TRPM6: variants seen among roughly 807,000 people sequenced by gnomAD.
The protein encoded by TRPM6 is channel kinase 2.
A neutral mutation model predicts 247.6 loss-of-function variants in TRPM6; 111 were observed. That is an observed-to-expected ratio of 0.45 (90% CI 0.38 to 0.52). The LOEUF (loss-of-function observed/expected upper bound fraction) is 0.52. TRPM6 is among the 20% of genes least tolerant of loss of function. The pLI, the probability that TRPM6 is intolerant of heterozygous loss-of-function variation, is 0.00. For missense variants in TRPM6, 2,126 were observed against 2,421.5 expected (o/e 0.88, Z 2.56); for synonymous variants, 892 against 853.8 (o/e 1.04, Z -0.78).
intron 25 of TRPM6, among the ~76,000 whole-genome samples, chr9:74,769,778 A>C (rs1350517459): frequency 9.2e-6 from 1 of 108,926 alleles, no homozygotes; most frequent in African/African-American, 4.6e-5. Context: ...GAAGGAAGGA[A>C]GGAAGGACGG....
intron 16 of TRPM6, among the ~76,000 whole-genome samples, chr9:74,801,243 ATTTTTTTTTTTTTTTT>A (rs59490187): frequency 2.3e-5 from 2 of 85,254 alleles, no homozygotes; most frequent in Admixed American, 1.9e-4. Flanking sequence ...AAGCCTGGGA[ATTTTTTTTTTTTTTTT>A]TTTTTTTTTT....
In TRPM6 at chr9:74,842,291, T is replaced by A; in HGVS notation, c.205A>T (p.Thr69Ser). 1 of 1,614,084 alleles carries A rather than the reference T, an allele frequency of 6.2e-7. No individual in the cohort carries two copies. The highest frequency in any genetic ancestry group is 8.5e-7 in the Non-Finnish European group (1 of 1,180,028). The stretch of plus-strand genomic sequence containing the variant: ...TCTTTACCCTTGGCAGCTGAGATGG[T>A]CCAGGAATAATCTATCCCAGCATGG... ...GDHAGIDYSW[T>S]ISAAKGKESE... Residue 69 changes from threonine to serine, a missense_variant, in exon 4 of 39, where the codon ACC becomes TCC. By Grantham distance (58) the Thr-to-Ser change is moderately conservative. Around this residue, in one of 3 missense-constraint regions of TRPM6, gnomAD observed 1,082 missense variants for 1,307.9 expected, o/e 0.83. Coordinates refer to ENST00000360774, the MANE Select transcript of TRPM6 (RefSeq NM_017662.5).
chr9:74,827,926 C>A lies in TRPM6; in HGVS notation c.693G>T (p.Leu231=), dbSNP rs1057148075. The part of the protein sequence containing the change: ...GKDVVCLYQT[L]DNPLSKLTTL... Reference sequence around the variant, plus strand: ...TTGTGAGCTTGCTGAGGGGGTTATCCAGAGTCTGGTACAGGCACACCACCT... The same window carrying A: ...TTGTGAGCTTGCTGAGGGGGTTATCAAGAGTCTGGTACAGGCACACCACCT... The change falls in exon 7 of 39, where the codon CTG becomes CTT. Residue 231 remains leucine, a synonymous_variant. Coordinates refer to ENST00000360774, the MANE Select transcript of TRPM6 (RefSeq NM_017662.5). 2 of 1,614,028 alleles carry A rather than the reference C, an allele frequency of 1.2e-6. No homozygotes were observed. Among genetic ancestry groups the A allele is most frequent in the Admixed American group, 1.7e-5 (1 of 59,994 alleles).
In TRPM6 at chr9:74,762,426, A is replaced by G. The variant is rs1412687554; in HGVS notation, c.4245T>C (p.Asp1415=). Residue 1415 remains aspartate (D), a synonymous_variant, in exon 26 of 39, where the codon GAT becomes GAC. Coordinates refer to ENST00000360774, the MANE Select transcript of TRPM6 (RefSeq NM_017662.5). ...EKHEPIAHLL[D]GQDKAEQVLP... ...GCACTTGCTCTGCCTTGTCTTGTCC[A>G]TCCAGTAAGTGAGCAATAGGCTCGT... 3 of 1,614,182 alleles carry G rather than the reference A, an allele frequency of 1.9e-6. No individual in the cohort carries two copies. Among genetic ancestry groups the G allele is most frequent in the Non-Finnish European group, 2.5e-6 (3 of 1,180,046 alleles).
At chr9:74,884,786 G>A (rs1417692807) in intron 1 of TRPM6, among the ~76,000 whole-genome samples, 1 of 152,148 alleles carries the variant, frequency 6.6e-6, no homozygotes, top group Non-Finnish European at 1.5e-5. Flanking sequence ...ATTCAATTCT[G>A]TTTACCTTAC....
At chr9:74,821,332 C>A (rs767895236) in intron 8 of TRPM6, among the ~76,000 whole-genome samples, 80 of 152,134 alleles carry the variant, frequency 5.3e-4, no homozygotes, top group Admixed American at 1.7e-3. Flanking sequence ...CTGGGCCCAA[C>A]ACTGGCCACC....
At position 74,800,236 on chromosome 9, in the gene TRPM6, CAAGTA is replaced by C. The variant is rs1178827244; in HGVS notation, c.2238+13_2238+17del. On this transcript the variant is annotated intron_variant, in intron 17 of 38. Coordinates refer to ENST00000360774, the MANE Select transcript of TRPM6 (RefSeq NM_017662.5). Reference sequence around the variant, plus strand: ...AAGACTAACATTAAACTCCATAAGACAAGTAAAGTAAATTTACCTTTAACCAAGAG... The same window carrying C: ...AAGACTAACATTAAACTCCATAAGACAAGTAAATTTACCTTTAACCAAGAG... 6.2e-7 allele frequency: 1 copy of C among 1,603,368 alleles called. No individual in the cohort carries two copies. The highest frequency in any genetic ancestry group is 1.1e-5 in the South Asian group (1 of 90,864).
At position 74,793,698 on chromosome 9, in the gene TRPM6, G is replaced by C. The variant is rs575582504; in HGVS notation, c.2392-928C>G. On this transcript the variant is annotated intron_variant, in intron 18 of 38. Transcript: ENST00000360774. ...CATTAGTTTTAGGATTCTGACCTTC[G>C]ATAGCATCCCCACTGATTTATAGCA... 3.9e-5 allele frequency among the ~76,000 whole-genome samples: 6 copies of C among 152,278 alleles called. No individual in the cohort carries two copies. In the East Asian group the frequency reaches 1.2e-3, roughly 29 times the overall value.
intron 17 of TRPM6, among the ~76,000 whole-genome samples, chr9:74,798,836 A>C (rs1443547570): frequency 1.3e-5 from 2 of 152,196 alleles, no homozygotes; most frequent in African/African-American, 4.8e-5. Flanking sequence ...TTTGGGGCAA[A>C]ACATTTAGTC....
At position 74,762,169 on chromosome 9, in the gene TRPM6, T is replaced by C; in HGVS notation, c.4502A>G (p.Asp1501Gly). The change falls in exon 26 of 39, where the codon GAT (aspartate) becomes GGT (glycine). Residue 1501 changes from aspartate (D) to glycine (G), a missense_variant. Physicochemically the swap from Asp to Gly is moderately conservative, Grantham distance 94. Coordinates refer to ENST00000360774, the MANE Select transcript of TRPM6 (RefSeq NM_017662.5). ...ACTCTGGGCCGATCTTGTTGAGTTA[T>C]CAGATAGGGAGCTGTCCTGGGCCTG... ...QKQAQDSSLS[D>G]NSTRSAQSSE... The C allele has an allele frequency of 6.2e-7, 1 of 1,614,180 alleles. No individual in the cohort carries two copies.
chr9:74,781,623 A>T (rs1489620509), intron 23 of TRPM6, among the ~76,000 whole-genome samples: 2 of 151,896 alleles, frequency 1.3e-5, no homozygotes, highest in African/African-American at 4.8e-5. Flanking sequence ...AGAGGAAAGG[A>T]GAGGAAGAAA....
At chr9:74,757,563 C>CAAAA in intron 27 of TRPM6, among the ~76,000 whole-genome samples, 1 of 54,044 alleles carries the variant, frequency 1.9e-5, no homozygotes, top group East Asian at 5.1e-4. Flanking sequence ...GAGACCCTGT[C>CAAAA]AAAAAAAAAA....
intron 1 of TRPM6, among the ~76,000 whole-genome samples, chr9:74,871,444 T>C (rs900898018): frequency 3.3e-5 from 5 of 152,210 alleles, no homozygotes; most frequent in African/African-American, 1.2e-4. Context: ...TTAATAATGA[T>C]ATGTAATAAC....
chr9:74,776,544 C>T (rs748810678), intron 23 of TRPM6, among the ~76,000 whole-genome samples: 15 of 152,112 alleles, frequency 9.9e-5, no homozygotes, highest in Admixed American at 2.6e-4. Flanking sequence ...AGTGAAGAAA[C>T]GGAAGAAGAA....
chr9:74,726,867 C>G (rs565156870), intron 38 of TRPM6, among the ~76,000 whole-genome samples: 1 of 152,322 alleles, frequency 6.6e-6, no homozygotes, highest in East Asian at 1.9e-4. Context: ...CCAGCCCCTT[C>G]CTGAGCTCCT....
At chr9:74,743,673 G>A (rs1368899141) in intron 32 of TRPM6, among the ~76,000 whole-genome samples, 1 of 152,076 alleles carries the variant, frequency 6.6e-6, no homozygotes, top group Admixed American at 6.5e-5. Flanking sequence ...TCACTTTGTG[G>A]GGTTGGCCTT....
intron 1 of TRPM6, among the ~76,000 whole-genome samples, chr9:74,873,641 A>C (rs976599594): frequency 6.6e-6 from 1 of 152,184 alleles, no homozygotes; most frequent in Non-Finnish European, 1.5e-5. Flanking sequence ...GATTTCCAAC[A>C]ATTATCAATT....
At chr9:74,789,621 C>T (rs1452304296) in intron 19 of TRPM6, among the ~76,000 whole-genome samples, 7 of 152,128 alleles carry the variant, frequency 4.6e-5, no homozygotes, top group Non-Finnish European at 8.8e-5. Flanking sequence ...TCTAAATAGC[C>T]TCAGAGACAA....
intron 3 of TRPM6, among the ~76,000 whole-genome samples, chr9:74,852,859 C>T (rs1229030251): frequency 5.9e-5 from 9 of 152,162 alleles, no homozygotes; most frequent in Non-Finnish European, 1.2e-4. Flanking sequence ...ACCTCCCAGC[C>T]ACCTGCTTTG....
Sources: gnomAD v4.1 joint callset for allele counts (sites outside exome capture counted in the v4.1 genomes callset) on GRCh38, gnomAD v4.1.1 for gene constraint, gnomAD v4.1.1 regional missense constraint, MANE v1.5 for transcripts, NCBI Gene and HGNC (gene_info 2026-07-23, HGNC 2026-07-21) for gene names.